The following EXTL2 variants were observed in gnomAD, a reference collection of about 807,000 sequenced individuals.
EXTL2 encodes the protein exostosin-like 2.
EXTL2 carries 23 observed loss-of-function variants against 30.7 expected under a neutral mutation model. The observed-to-expected ratio is 0.75, with a 90% CI of 0.54 to 1.06. EXTL2 has a LOEUF of 1.06. EXTL2 is among the 50% of genes least tolerant of loss of function. The probability of loss-of-function intolerance (pLI) is 0.00; values close to 1 mark genes in which losing one functional copy is unlikely to be tolerated. For synonymous variants in EXTL2, 123 were observed against 133.8 expected (o/e 0.92, Z 0.56); for missense variants, 352 against 396.3 (o/e 0.89, Z 0.95).
chr1:100,878,294 T>C (rs1485138474), intron 2 of EXTL2: 1 of 371,552 alleles, frequency 2.7e-6, no homozygotes, highest in Non-Finnish European at 5.4e-6. Flanking sequence ...CCAAACAAAA[T>C]CATACAGAGC....
At position 100,874,201 on chromosome 1, in the gene EXTL2, T is replaced by C. The variant is rs1310213473; in HGVS notation, c.734A>G (p.Asp245Gly). 1.2e-6 allele frequency: 2 copies of C among 1,612,996 alleles called. No individual in the cohort carries two copies. Among genetic ancestry groups the C allele is most frequent in the Non-Finnish European group, 1.7e-6 (2 of 1,179,466 alleles). ...GGCAATGATAAAATTCATGGCAATA[T>C]CATCACAGTTTTGAGTATCATCTAT... Reference protein sequence around the residue: ...ALIDDTQNCDDIAMNFIIAKH... With the variant: ...ALIDDTQNCDGIAMNFIIAKH... The change falls in exon 5 of 5, where the codon GAT (aspartate) becomes GGT (glycine). Residue 245 changes from aspartate (D) to glycine (G), a missense_variant. Transcript: ENST00000370114.
intron 2 of EXTL2, among the ~76,000 whole-genome samples, chr1:100,887,823 C>T (rs1483928908): frequency 6.6e-6 from 1 of 152,126 alleles, no homozygotes; most frequent in East Asian, 1.9e-4. Flanking sequence ...CTCAGCCTCC[C>T]GAGTAGCTGG....
At chr1:100,891,698 T>C (rs1385458190) in intron 1 of EXTL2, among the ~76,000 whole-genome samples, 1 of 152,212 alleles carries the variant, frequency 6.6e-6, no homozygotes, top group Non-Finnish European at 1.5e-5. Context: ...AGTTTCACAA[T>C]AGTGATGTTA....
At position 100,872,743 on chromosome 1, in the gene EXTL2, GAGGCCTAGTTAAGAAT is replaced by G. The variant is rs1648793748; in HGVS notation, c.*1183_*1198del. 1 of 152,292 alleles carries G rather than the reference GAGGCCTAGTTAAGAAT, an allele frequency of 6.6e-6. No individual in the cohort carries two copies. The highest frequency in any genetic ancestry group is 2.1e-4 in the South Asian group (1 of 4,830). 9.4% of individuals were successfully genotyped at this position (152,292 alleles called of 1,614,324 possible). A position where few individuals can be genotyped will look rare whatever the true frequency, so the allele number is the denominator to read the frequency against. On this transcript the variant is annotated 3_prime_UTR_variant, in exon 5 of 5. Transcript: ENST00000370114. ...GAGGAGAAAGAGAAGTTGGTAAACA[GAGGCCTAGTTAAGAAT>G]TCCTTGCCTTAGTGGTGAACAAGGA...
chr1:100,874,449 A>T lies in EXTL2; in HGVS notation c.505-19T>A, dbSNP rs1648945400. 1.3e-6 allele frequency: 2 copies of T among 1,552,184 alleles called. No individual in the cohort carries two copies. The highest frequency in any genetic ancestry group is 1.7e-6 in the Non-Finnish European group (2 of 1,148,584). ...GAAATTGCTGAAAAGAGGGAAAAAG[A>T]ACAATAAAATGTCACATATTTTTAG... On this transcript the variant is annotated intron_variant, in intron 4 of 4. Transcript: ENST00000370114.
rs780991254 is a variant in EXTL2, at chr1:100,874,111, T to C, written c.824A>G (p.Glu275Gly). The C allele has an allele frequency of 1.2e-6, 2 of 1,613,024 alleles. No individual in the cohort carries two copies. Among genetic ancestry groups the C allele is most frequent in the African/African-American group, 2.7e-5 (2 of 74,858 alleles). ...CATTCCAGAATAGCCACTGTTGGTT[T>C]CTTTTTCCAAATTGTCCATGTTTAC... Reference protein sequence around the residue: ...KPVNMDNLEKETNSGYSGMWH... With the variant: ...KPVNMDNLEKGTNSGYSGMWH... The change falls in exon 5 of 5, where the codon GAA (glutamate) becomes GGA (glycine). Residue 275 changes from glutamate to glycine, a missense_variant. Physicochemically the swap from Glu to Gly is moderately conservative, Grantham distance 98 (BLOSUM62 -2). Transcript: ENST00000370114.
intron 2 of EXTL2, among the ~76,000 whole-genome samples, chr1:100,880,212 C>G (rs989224829): frequency 6.6e-6 from 1 of 152,080 alleles, no homozygotes. Flanking sequence ...AGCATACTCT[C>G]CATGATAGGA....
chr1:100,884,425 T>C (rs1175401080), intron 2 of EXTL2, among the ~76,000 whole-genome samples: 1 of 152,202 alleles, frequency 6.6e-6, no homozygotes, highest in African/African-American at 2.4e-5. Context: ...ATGCAGAACC[T>C]GAGCTGATGC....
chr1:100,875,512 G>A (rs1649043937), intron 4 of EXTL2, among the ~76,000 whole-genome samples: 1 of 151,890 alleles, frequency 6.6e-6, no homozygotes, highest in Admixed American at 6.6e-5. Context: ...CTAGGAGAAT[G>A]AAAGAAATTT....
chr1:100,890,701 A>G (rs925809088), intron 1 of EXTL2, among the ~76,000 whole-genome samples: 1 of 152,162 alleles, frequency 6.6e-6, no homozygotes, highest in Admixed American at 6.5e-5. Context: ...TAAGTTCCTC[A>G]TCTCCATCTG....
At chr1:100,874,540 C>T (rs996614593) in intron 4 of EXTL2, 110 bp from the exon 5 acceptor site, 15 of 893,292 alleles carry the variant, frequency 1.7e-5, no homozygotes, top group Admixed American at 2.4e-5. Flanking sequence ...TCAACTCTTC[C>T]TTATTCCTGG....
chr1:100,893,187 G>A (rs1650569056), intron 1 of EXTL2, among the ~76,000 whole-genome samples: 1 of 152,206 alleles, frequency 6.6e-6, no homozygotes, highest in Non-Finnish European at 1.5e-5. Context: ...AATAGTATAT[G>A]TATTTTATGA....
In EXTL2 at chr1:100,886,382, G is replaced by A. The variant is rs142963050; in HGVS notation, c.5+2371C>T. On this transcript the variant is annotated intron_variant, in intron 2 of 4. Coordinates refer to ENST00000370114, the MANE Select transcript of EXTL2 (RefSeq NM_001033025.3). Reference sequence around the variant, plus strand: ...CTGTGCTGATTACATTAAACATCACGTCTTCCATCTGGCGGACAGGTTGAA... The same window carrying A: ...CTGTGCTGATTACATTAAACATCACATCTTCCATCTGGCGGACAGGTTGAA... 3.2e-4 allele frequency among the ~76,000 whole-genome samples: 48 copies of A among 152,306 alleles called. 1 individual carries two copies. The highest frequency in any genetic ancestry group is 8.9e-4 in the African/African-American group (37 of 41,564).
Position 100,877,764 on chromosome 1 carries a change from G to A in EXTL2, c.145C>T (p.Leu49Phe). ...LLPSVKEDKM[L>F]MLRREIKSQG... The stretch of plus-strand genomic sequence containing the variant: ...GATTTTATTTCCCTACGCAACATGA[G>A]CATCTTGTCTTCTTTAACACTGGGA... The change falls in exon 3 of 5, where the codon CTC (leucine) becomes TTC (phenylalanine). Residue 49 changes from leucine (L) to phenylalanine (F), a missense_variant. By Grantham distance (22) the Leu-to-Phe change is conservative. Transcript: ENST00000370114. The surrounding 1 kb of genome is among the most constrained non-coding windows in gnomAD (Gnocchi z 4.1). 3.7e-6 allele frequency: 6 copies of A among 1,613,048 alleles called. No homozygotes were observed. The highest frequency in any genetic ancestry group is 5.1e-6 in the Non-Finnish European group (6 of 1,179,672).
chr1:100,895,124 G>A (rs1021813124), upstream of EXTL2: 5 of 152,226 alleles, frequency 3.3e-5, no homozygotes, highest in South Asian at 4.1e-4. Flanking sequence ...GCATCCCACC[G>A]AGGGGCCAGC....
chr1:100,881,371 A>G (rs1649545087), intron 2 of EXTL2, among the ~76,000 whole-genome samples: 1 of 152,208 alleles, frequency 6.6e-6, no homozygotes, highest in Non-Finnish European at 1.5e-5. Context: ...TAGAGAAAGA[A>G]CCTATCATCT....
intron 2 of EXTL2, chr1:100,878,577 C>G (rs1649314501): frequency 9.6e-6 from 4 of 416,242 alleles, no homozygotes; most frequent in Non-Finnish European, 1.9e-5. Flanking sequence ...TGAAGAGAAT[C>G]TGTTTATAAA....
At chr1:100,880,134 T>C (rs1386518781) in intron 2 of EXTL2, among the ~76,000 whole-genome samples, 2 of 152,080 alleles carry the variant, frequency 1.3e-5, no homozygotes, top group Non-Finnish European at 2.9e-5. Context: ...CATAGAGAGA[T>C]CATATATACC....
intron 1 of EXTL2, among the ~76,000 whole-genome samples, chr1:100,889,901 G>A (rs758864868): frequency 7.2e-5 from 11 of 152,134 alleles, no homozygotes; most frequent in South Asian, 2.1e-4. Flanking sequence ...TTTTCCAGGC[G>A]CACAGTACAA....
Sources: gnomAD v4.1 joint callset for allele counts (sites outside exome capture counted in the v4.1 genomes callset) on GRCh38, gnomAD v4.1.1 for gene constraint, Gnocchi (gnomAD v3.1) non-coding constraint, MANE v1.5 for transcripts, NCBI Gene and HGNC (gene_info 2026-07-23, HGNC 2026-07-21) for gene names.